The following TMEM108 variants were observed in gnomAD, a reference collection of about 807,000 sequenced individuals.
The protein encoded by TMEM108 is transmembrane protein 108.
A neutral mutation model predicts 35.1 loss-of-function variants in TMEM108; 12 were observed. That is an observed-to-expected ratio of 0.34 (90% confidence interval 0.22 to 0.55). The LOEUF is 0.55. Among genes scored for constraint, TMEM108 ranks in the 20% least tolerant of loss-of-function variants. The probability of loss-of-function intolerance (pLI) is 0.89; values close to 1 mark genes in which losing one functional copy is unlikely to be tolerated. For synonymous variants in TMEM108, 287 were observed against 308.6 expected (o/e 0.93, Z 0.73); for missense variants, 680 against 753.3 (o/e 0.90, Z 1.14).
intron 3 of TMEM108, among the ~76,000 whole-genome samples, chr3:133,359,862 G>A (rs556876040): frequency 3.3e-5 from 5 of 152,200 alleles, no homozygotes; most frequent in Non-Finnish European, 7.4e-5. Context: ...ATGAAAACAT[G>A]TGTCCTCACA....
chr3:133,314,212 G>A (rs2071169029), intron 3 of TMEM108, among the ~76,000 whole-genome samples: 1 of 152,122 alleles, frequency 6.6e-6, no homozygotes, highest in African/African-American at 2.4e-5. Context: ...ACTGGAAAGA[G>A]TAATACTTGG....
intron 3 of TMEM108, among the ~76,000 whole-genome samples, chr3:133,358,183 T>C (rs28552527): frequency 2.3e-5 from 3 of 129,812 alleles, no homozygotes; most frequent in Non-Finnish European, 3.4e-5. Context: ...TTTTTTTTTT[T>C]CCTTTTGAGA....
rs191995109 is a variant in TMEM108 at position 133,249,479 on chromosome 3, G to A, written c.40+20128G>A. ...TCCTCCTTCCCTCCACCTTCCAGTA[G>A]TCTCCAGTGTCTATTGTTGCCATCT... On this transcript the variant is annotated intron_variant, in intron 3 of 5. Coordinates refer to ENST00000321871, the MANE Select transcript of TMEM108 (RefSeq NM_023943.4). Among the ~76,000 whole-genome samples, 444 of 152,278 alleles carry A rather than the reference G, an allele frequency of 2.9e-3. 3 individuals are homozygous for A. Among genetic ancestry groups the A allele is most frequent in the African/African-American group, 0.01 (432 of 41,564 alleles).
rs75854625 is a variant in TMEM108 at position 133,304,521 on chromosome 3, C to T, written c.40+75170C>T. Reference sequence around the variant, plus strand: ...TAGCACTTCACTCCCACCTCCAGCCCTATGCAACCACTGAGCTGCATTTTT... The same window carrying T: ...TAGCACTTCACTCCCACCTCCAGCCTTATGCAACCACTGAGCTGCATTTTT... On this transcript the variant is annotated intron_variant, in intron 3 of 5. Coordinates refer to ENST00000321871, the MANE Select transcript of TMEM108 (RefSeq NM_023943.4). Among the ~76,000 whole-genome samples the T allele has an allele frequency of 1.6e-3, 242 of 152,204 alleles. 1 individual carries two copies. Among genetic ancestry groups the T allele is most frequent in the African/African-American group, 5.4e-3 (226 of 41,492 alleles).
intron 4 of TMEM108, among the ~76,000 whole-genome samples, chr3:133,383,970 C>T (rs2073080862): frequency 6.6e-6 from 1 of 152,210 alleles, no homozygotes; most frequent in African/African-American, 2.4e-5. Flanking sequence ...ATCGTTAACC[C>T]TGTGAAGGCT....
intron 2 of TMEM108, among the ~76,000 whole-genome samples, chr3:133,190,108 T>A (rs181938243): frequency 6.6e-6 from 1 of 151,736 alleles, no homozygotes; most frequent in Admixed American, 6.6e-5. Flanking sequence ...AAAAAAAATC[T>A]CATCACCATG....
At chr3:133,180,105 C>T (rs1255323141) in intron 2 of TMEM108, among the ~76,000 whole-genome samples, 1 of 152,082 alleles carries the variant, frequency 6.6e-6, no homozygotes, top group Non-Finnish European at 1.5e-5. Context: ...TCACTAGTTA[C>T]TAAATATCAA....
rs566061493 is a variant in TMEM108, at chr3:133,258,179, C to T, written c.40+28828C>T. 2.6e-5 allele frequency among the ~76,000 whole-genome samples: 4 copies of T among 152,226 alleles called. No homozygotes were observed. The South Asian group carries it at 8.3e-4, about 32-fold the overall frequency. ...AGAGACCTTAAGGAGCTTTCTCACC[C>T]CTTCCTCCGTTTGAAGACATGGTGA... is the stretch of plus-strand genomic sequence containing the variant. On this transcript the variant is annotated intron_variant, in intron 3 of 5. Coordinates refer to ENST00000321871, the MANE Select transcript of TMEM108 (RefSeq NM_023943.4).
chr3:133,390,259 C>T lies in TMEM108; in HGVS notation c.1530C>T (p.Asn510=), dbSNP rs191094406. 2.5e-6 allele frequency: 4 copies of T among 1,614,228 alleles called. No individual in the cohort carries two copies. In the East Asian group the frequency reaches 8.9e-5, roughly 36 times the overall value. ...AGAACAACCTGAGCTACTGGAACAA[C>T]ACCATCACCATGGACTACTTCAACA... ...NPENNLSYWN[N]TITMDYFNRH... Residue 510 remains asparagine, a synonymous_variant, in exon 5 of 6, where the codon AAC becomes AAT. Coordinates refer to ENST00000321871, the MANE Select transcript of TMEM108 (RefSeq NM_023943.4).
chr3:133,113,756 T>C (rs1462733315), intron 2 of TMEM108, among the ~76,000 whole-genome samples: 1 of 152,160 alleles, frequency 6.6e-6, no homozygotes. Context: ...TGATTTTCCT[T>C]GACTGAGGTG....
chr3:133,260,071 T>C (rs536951648), intron 3 of TMEM108, among the ~76,000 whole-genome samples: 59 of 152,322 alleles, frequency 3.9e-4, no homozygotes, highest in African/African-American at 1.4e-3. Context: ...ATCTGCACCT[T>C]GAGCCAGGTG....
intron 2 of TMEM108, among the ~76,000 whole-genome samples, chr3:133,072,975 T>G (rs1943694143): frequency 6.6e-6 from 1 of 152,178 alleles, no homozygotes; most frequent in Non-Finnish European, 1.5e-5. Context: ...TGTTGTAGCA[T>G]GTCTTGGTAC....
chr3:133,116,765 T>C (rs978107093), intron 2 of TMEM108, among the ~76,000 whole-genome samples: 2 of 152,142 alleles, frequency 1.3e-5, no homozygotes, highest in African/African-American at 4.8e-5. Flanking sequence ...TGTATTTTGA[T>C]TTATCTGCAT....
chr3:133,303,689 ACC>A (rs886874843), intron 3 of TMEM108, among the ~76,000 whole-genome samples: 1 of 152,138 alleles, frequency 6.6e-6, no homozygotes, highest in African/African-American at 2.4e-5. Context: ...TTATTAACTT[ACC>A]CTAGATTGAT....
At chr3:133,105,216 G>A (rs986962127) in intron 2 of TMEM108, among the ~76,000 whole-genome samples, 2 of 152,168 alleles carry the variant, frequency 1.3e-5, no homozygotes, top group African/African-American at 4.8e-5. Flanking sequence ...CCAGGTGGTT[G>A]GCAGTTTCTT....
At chr3:133,293,170 G>A (rs1430675305) in intron 3 of TMEM108, among the ~76,000 whole-genome samples, 1 of 151,968 alleles carries the variant, frequency 6.6e-6, no homozygotes, top group East Asian at 1.9e-4. Context: ...CATTGATAGA[G>A]TATTCATTTA....
intron 3 of TMEM108, among the ~76,000 whole-genome samples, chr3:133,364,756 T>C (rs1014143074): frequency 3.9e-5 from 6 of 152,210 alleles, no homozygotes; most frequent in African/African-American, 1.4e-4. Flanking sequence ...TGAACATTAA[T>C]TGAAATATCA....
chr3:133,332,062 G>A, intron 3 of TMEM108, among the ~76,000 whole-genome samples: 1 of 137,262 alleles, frequency 7.3e-6, no homozygotes, highest in Non-Finnish European at 1.6e-5. Flanking sequence ...ATGTGTGCTT[G>A]TGCGCGTGCG....
chr3:133,389,112 C>G, intron 4 of TMEM108: 1 of 985,670 alleles, frequency 1.0e-6, no homozygotes, highest in Non-Finnish European at 1.2e-6. Flanking sequence ...CCTCTGTCAC[C>G]CTTGTCCTTG....
Sources: gnomAD v4.1 joint callset for allele counts (sites outside exome capture counted in the v4.1 genomes callset) on GRCh38, gnomAD v4.1.1 for gene constraint, MANE v1.5 for transcripts, NCBI Gene and HGNC (gene_info 2026-07-23, HGNC 2026-07-21) for gene names.